The following SYT9 variants were observed in gnomAD, a reference collection of about 807,000 sequenced individuals.
SYT9 encodes synaptotagmin 9.
A neutral mutation model predicts 48.4 loss-of-function variants in SYT9; 22 were observed. That is an observed-to-expected ratio of 0.45 (90% confidence interval 0.32 to 0.65). The LOEUF is 0.65. Ranked by LOEUF, SYT9 falls within the 30% of genes least tolerant of loss-of-function variation. The pLI is 0.03. For synonymous variants in SYT9, 265 were observed against 245.0 expected (o/e 1.08, Z -0.76); for missense variants, 577 against 622.0 (o/e 0.93, Z 0.77).
chr11:7,445,271 G>C (rs1847905709), intron 6 of SYT9, among the ~76,000 whole-genome samples: 2 of 152,154 alleles, frequency 1.3e-5, no homozygotes, highest in East Asian at 3.9e-4. Context: ...GAAAAGGAGA[G>C]AGGCAGAAGG....
At chr11:7,257,146 G>C (rs559373116) in intron 1 of SYT9, among the ~76,000 whole-genome samples, 4 of 152,236 alleles carry the variant, frequency 2.6e-5, no homozygotes, top group Admixed American at 2.6e-4. Context: ...CAACCTTTGA[G>C]ACCATTGGGC....
At chr11:7,378,345 AAT>A (rs1209647401) in intron 3 of SYT9, among the ~76,000 whole-genome samples, 3 of 152,124 alleles carry the variant, frequency 2.0e-5, no homozygotes, top group African/African-American at 7.2e-5. Flanking sequence ...AAGAGCACCC[AAT>A]ATCCATGGAA....
intron 1 of SYT9, among the ~76,000 whole-genome samples, chr11:7,294,230 C>T (rs1477521015): frequency 6.6e-6 from 1 of 152,158 alleles, no homozygotes; most frequent in African/African-American, 2.4e-5. Context: ...GTTGGGATCT[C>T]AACATATGAA....
intron 3 of SYT9, among the ~76,000 whole-genome samples, chr11:7,362,226 C>A (rs905237392): frequency 1.7e-4 from 25 of 150,120 alleles, no homozygotes; most frequent in Admixed American, 2.7e-4. Flanking sequence ...CTTACTGCAA[C>A]CTCCACCTCC....
At chr11:7,422,374 G>T (rs1444987431) in intron 6 of SYT9, among the ~76,000 whole-genome samples, 2 of 152,132 alleles carry the variant, frequency 1.3e-5, no homozygotes, top group African/African-American at 4.8e-5. Context: ...CTGCCCGTGG[G>T]CCATAGGAGC....
intron 6 of SYT9, among the ~76,000 whole-genome samples, chr11:7,462,949 C>G (rs12790256): frequency 0.43 from 64,808 of 152,100 alleles, 16,643 homozygotes; most frequent in African/African-American, 0.73. Context: ...CGAAATGTCA[C>G]TTCACATTAC....
chr11:7,358,690 A>G (rs1270736921), intron 3 of SYT9, among the ~76,000 whole-genome samples: 3 of 152,176 alleles, frequency 2.0e-5, no homozygotes, highest in Non-Finnish European at 4.4e-5. Flanking sequence ...AGAAGATAAT[A>G]TTGTTTTACA....
At chr11:7,452,150 G>GACACACAC (rs1564909079) in intron 6 of SYT9, among the ~76,000 whole-genome samples, 20 of 120,748 alleles carry the variant, frequency 1.7e-4, no homozygotes, top group South Asian at 2.6e-4. Flanking sequence ...CACACACACT[G>GACACACAC]AGGAAAAACA....
At chr11:7,332,815 T>C (rs756129135) in intron 3 of SYT9, among the ~76,000 whole-genome samples, 44 of 152,274 alleles carry the variant, frequency 2.9e-4, no homozygotes, top group Admixed American at 7.2e-4. Context: ...ACAAATCTTC[T>C]ACAAACCTGG....
intron 6 of SYT9, chr11:7,437,850 CTGTGT>C (rs1160401724): frequency 1.3e-5 from 2 of 152,188 alleles, no homozygotes; most frequent in African/African-American, 2.4e-5. Context: ...GAGAGACCAA[CTGTGT>C]TTATAATTAA....
chr11:7,467,131 G>C lies in SYT9; in HGVS notation c.*331G>C. The C allele has an allele frequency of 3.2e-6, 1 of 311,376 alleles. No individual in the cohort carries two copies. The highest frequency in any genetic ancestry group is 5.9e-6 in the Non-Finnish European group (1 of 169,490). 19.3% of individuals were successfully genotyped at this position (311,376 alleles called of 1,614,324 possible). On this transcript the variant is annotated 3_prime_UTR_variant, in exon 7 of 7. Coordinates refer to ENST00000318881, the MANE Select transcript of SYT9 (RefSeq NM_175733.4). ...CTCAATGTTTCATATGAAGCCCTTGGTGATGAGGACATAGCATCTGCCCTG... is the reference window on the plus strand; with the variant it reads ...CTCAATGTTTCATATGAAGCCCTTGCTGATGAGGACATAGCATCTGCCCTG...
At chr11:7,340,333 A>G (rs1287344568) in intron 3 of SYT9, among the ~76,000 whole-genome samples, 1 of 152,170 alleles carries the variant, frequency 6.6e-6, no homozygotes, top group Non-Finnish European at 1.5e-5. Flanking sequence ...CCTTGTTCCT[A>G]TCCATATTCT....
intron 1 of SYT9, among the ~76,000 whole-genome samples, chr11:7,290,908 A>C (rs11823988): frequency 6.6e-6 from 1 of 152,316 alleles, no homozygotes; most frequent in South Asian, 2.1e-4. Flanking sequence ...TTAGTACAGG[A>C]ACATATAACA....
intron 3 of SYT9, among the ~76,000 whole-genome samples, chr11:7,349,382 A>AATACACACACAC (rs151286819): frequency 6.7e-6 from 1 of 148,160 alleles, no homozygotes; most frequent in East Asian, 2.0e-4. Flanking sequence ...AAAATATACA[A>AATACACACACAC]ACACACACAC....
chr11:7,455,303 A>G (rs11041393), intron 6 of SYT9, among the ~76,000 whole-genome samples: 46,609 of 150,404 alleles, frequency 0.31, 8,033 homozygotes, highest in African/African-American at 0.44. Context: ...TTAGATGTGT[A>G]TATTCCATAC....
upstream of SYT9, among the ~76,000 whole-genome samples, chr11:7,247,188 G>A (rs1244052494): frequency 1.3e-5 from 2 of 152,026 alleles, no homozygotes; most frequent in African/African-American, 4.8e-5. Context: ...GTGAGATATT[G>A]GTGCATCCAT....
At position 7,252,537 on chromosome 11, in the gene SYT9, C is replaced by T. The variant is rs900365040; in HGVS notation, c.145+206C>T. Among the ~76,000 whole-genome samples the T allele has an allele frequency of 2.0e-5, 3 of 152,122 alleles. No homozygotes were observed. Among genetic ancestry groups the T allele is most frequent in the Admixed American group, 6.5e-5 (1 of 15,288 alleles). On this transcript the variant is annotated intron_variant, in intron 1 of 6. Coordinates refer to ENST00000318881, the MANE Select transcript of SYT9 (RefSeq NM_175733.4). This position sits in a 1 kb window ranked among gnomAD's most constrained non-coding sequence, Gnocchi z 6.3. ...CGGGCGGTGGCTACTGCACGGAGGC[C>T]GACTCCGGGTCGGCTAGGGCAGGGT...
chr11:7,289,788 C>T (rs1181149907), intron 1 of SYT9, among the ~76,000 whole-genome samples: 1 of 152,174 alleles, frequency 6.6e-6, no homozygotes, highest in African/African-American at 2.4e-5. Context: ...ATTTCTTGGT[C>T]ATATGGCATT....
chr11:7,428,599 A>G (rs962840490), intron 6 of SYT9, among the ~76,000 whole-genome samples: 1 of 152,212 alleles, frequency 6.6e-6, no homozygotes, highest in African/African-American at 2.4e-5. Flanking sequence ...CTGGATATGA[A>G]TCTTTCAGAA....
Sources: gnomAD v4.1 joint callset for allele counts (sites outside exome capture counted in the v4.1 genomes callset) on GRCh38, gnomAD v4.1.1 for gene constraint, Gnocchi (gnomAD v3.1) non-coding constraint, MANE v1.5 for transcripts, NCBI Gene and HGNC (gene_info 2026-07-23, HGNC 2026-07-21) for gene names.